Variants in AHNAK observed in about 807,000 individuals in gnomAD.
AHNAK encodes the protein AHNAK nucleoprotein.
A neutral mutation model predicts 37.8 loss-of-function variants in AHNAK; 23 were observed. The observed-to-expected ratio is 0.61, with a 90% confidence interval of 0.44 to 0.86. The LOEUF is 0.86. Among genes scored for constraint, AHNAK ranks in the 40% least tolerant of loss-of-function variants. The pLI, the probability that AHNAK is intolerant of heterozygous loss-of-function variation, is 0.00. For missense variants in AHNAK, 7,411 were observed against 7,319.4 expected (o/e 1.01, Z -0.46); for synonymous variants, 2,481 against 2,636.3 (o/e 0.94, Z 1.80).
At chr11:62,435,031 T>C (rs528863435) in intron 5 of AHNAK, among the ~76,000 whole-genome samples, 33 of 151,396 alleles carry the variant, frequency 2.2e-4, no homozygotes, top group Non-Finnish European at 4.3e-4. Flanking sequence ...CCTACACAAG[T>C]TTCAAGCACC....
rs568827858 is a variant in AHNAK at position 62,531,548 on chromosome 11, C to A, written c.2869G>T (p.Gly957Cys). The change falls in exon 5 of 5, where the codon GGT (glycine) becomes TGT (cysteine). Residue 957 changes from glycine (G) to cysteine (C), a missense_variant. Transcript: ENST00000378024. Reference sequence around the variant, plus strand: ...TCATATTCTCCCTTTACTTTAGGACCTTTCATATGCAAGTCCACATCAGGC... The same window carrying A: ...TCATATTCTCCCTTTACTTTAGGACATTTCATATGCAAGTCCACATCAGGC... ...SMPDVDLHMK[G>C]PKVKGEYDMT... is the part of the protein sequence containing the mutation. 22 of 1,614,200 alleles carry A rather than the reference C, an allele frequency of 1.4e-5. No individual in the cohort carries two copies. Among genetic ancestry groups the A allele is most frequent in the Non-Finnish European group, 1.8e-5 (21 of 1,180,036 alleles).
Position 62,533,902 on chromosome 11 carries a change from T to A in AHNAK, c.515A>T (p.Asp172Val), listed in dbSNP as rs1940860232. ...VDVTGREGAK[D>V]IDISSPEFKI... ...GAATTCAGGGCTACTGATGTCTATG[T>A]CCTTGGCTCCTTCCCGGCCAGTCAC... is the stretch of plus-strand genomic sequence containing the variant. The change falls in exon 5 of 5, where the codon GAC becomes GTC. Residue 172 changes from aspartate to valine, a missense_variant. Asp to Val is a radical substitution (Grantham distance 152, BLOSUM62 -3). Coordinates refer to ENST00000378024, the MANE Select transcript of AHNAK (RefSeq NM_001620.3). 6.2e-7 allele frequency: 1 copy of A among 1,614,104 alleles called. No individual in the cohort carries two copies. The highest frequency in any genetic ancestry group is 1.1e-5 in the South Asian group (1 of 91,088).
chr11:62,454,379 C>G (rs934660352), intron 5 of AHNAK, among the ~76,000 whole-genome samples: 3 of 147,874 alleles, frequency 2.0e-5, no homozygotes, highest in Non-Finnish European at 3.0e-5. Flanking sequence ...TGCCACTGAA[C>G]TCCAGCTTGG....
Position 62,518,025 on chromosome 11 carries a change from G to A in AHNAK, c.16392C>T (p.Ser5464=). The change falls in exon 5 of 5, where the codon AGC becomes AGT. Residue 5464 remains serine (S), a synonymous_variant. Coordinates refer to ENST00000378024, the MANE Select transcript of AHNAK (RefSeq NM_001620.3). The part of the protein sequence containing the change: ...FNLEGPKVKG[S]LGATGEIKGP... ...CTTTGATCTCACCAGTGGCCCCAAG[G>A]CTCCCTTTCACTTTTGGTCCTTCCA... is the stretch of plus-strand genomic sequence containing the variant. 6.2e-7 allele frequency: 1 copy of A among 1,614,160 alleles called. No individual in the cohort carries two copies. Among genetic ancestry groups the A allele is most frequent in the Non-Finnish European group, 8.5e-7 (1 of 1,180,044 alleles).
At position 62,517,996 on chromosome 11, in the gene AHNAK, G is replaced by A. The variant is rs769876690; in HGVS notation, c.16421C>T (p.Pro5474Leu). Reference protein sequence around the residue: ...SLGATGEIKGPTVGGGLPGIG... With the variant: ...SLGATGEIKGLTVGGGLPGIG... The stretch of plus-strand genomic sequence containing the variant: ...GCCTGGAAGACCTCCTCCGACAGTG[G>A]GGCCTTTGATCTCACCAGTGGCCCC... Residue 5474 changes from proline (P) to leucine (L), a missense_variant, in exon 5 of 5, where the codon CCC becomes CTC. Coordinates refer to ENST00000378024, the MANE Select transcript of AHNAK (RefSeq NM_001620.3). The A allele has an allele frequency of 1.9e-6, 3 of 1,614,000 alleles. No individual in the cohort carries two copies. The highest frequency in any genetic ancestry group is 1.7e-5 in the Admixed American group (1 of 59,986).
intron 5 of AHNAK, among the ~76,000 whole-genome samples, chr11:62,456,248 A>G (rs1381255406): frequency 6.6e-6 from 1 of 152,162 alleles, no homozygotes; most frequent in African/African-American, 2.4e-5. Flanking sequence ...AGCCACTCAG[A>G]CTGTATTATT....
chr11:62,447,351 G>A (rs1396287011), intron 5 of AHNAK, among the ~76,000 whole-genome samples: 1 of 152,050 alleles, frequency 6.6e-6, no homozygotes, highest in Non-Finnish European at 1.5e-5. Flanking sequence ...TGGGATCTAG[G>A]GGGAGATTAG....
At chr11:62,471,428 G>A (rs1324914844) in intron 5 of AHNAK, among the ~76,000 whole-genome samples, 2 of 152,264 alleles carry the variant, frequency 1.3e-5, no homozygotes, top group African/African-American at 4.8e-5. Flanking sequence ...GCCCACCTCA[G>A]CCTCCCAAAG....
chr11:62,457,860 C>T (rs1938695584), intron 5 of AHNAK, among the ~76,000 whole-genome samples: 1 of 151,902 alleles, frequency 6.6e-6, no homozygotes, highest in African/African-American at 2.4e-5. Context: ...CCAATATACC[C>T]ATGTGACAAT....
In AHNAK at chr11:62,531,904, A is replaced by T; in HGVS notation, c.2513T>A (p.Val838Asp). 1 of 1,612,642 alleles carries T rather than the reference A, an allele frequency of 6.2e-7. No homozygotes were observed. Among genetic ancestry groups the T allele is most frequent in the Non-Finnish European group, 8.5e-7 (1 of 1,179,746 alleles). The change falls in exon 5 of 5, where the codon GTC becomes GAC. Residue 838 changes from valine (V) to aspartate (D), a missense_variant. By Grantham distance (152) the Val-to-Asp change is radical. Coordinates refer to ENST00000378024, the MANE Select transcript of AHNAK (RefSeq NM_001620.3). ...KGPNVKGEYD[V>D]TMPKVESEIK... ...CTCACTTTCAACCTTTGGCATTGTGACATCATATTCTCCCTTTACGTTAGG... is the reference window on the plus strand; with the variant it reads ...CTCACTTTCAACCTTTGGCATTGTGTCATCATATTCTCCCTTTACGTTAGG...
rs773036589 is a variant in AHNAK at position 62,521,500 on chromosome 11, T to A, written c.12917A>T (p.Asp4306Val). ...PKVDIDAPDV[D>V]VHGPDWHLKM... ...CAGGTGCCAGTCTGGGCCATGAACA[T>A]CTACATCAGGGGCATCGATGTCCAC... is the stretch of plus-strand genomic sequence containing the variant. The change falls in exon 5 of 5, where the codon GAT (aspartate) becomes GTT (valine). Residue 4306 changes from aspartate (D) to valine (V), a missense_variant. Physicochemically the swap from Asp to Val is radical, Grantham distance 152. Coordinates refer to ENST00000378024, the MANE Select transcript of AHNAK (RefSeq NM_001620.3). The A allele has an allele frequency of 1.2e-6, 2 of 1,611,374 alleles. No individual in the cohort carries two copies. Among genetic ancestry groups the A allele is most frequent in the Non-Finnish European group, 8.5e-7 (1 of 1,179,386 alleles).
At position 62,519,523 on chromosome 11, in the gene AHNAK, A is replaced by T. The variant is rs1307239011; in HGVS notation, c.14894T>A (p.Ile4965Asn). The change falls in exon 5 of 5, where the codon ATC becomes AAC. Residue 4965 changes from isoleucine to asparagine, a missense_variant. By Grantham distance (149) the Ile-to-Asn change is moderately radical. Transcript: ENST00000378024. ...DVHMDSPDIN[I>N]EGPDVKIPKF... is the part of the protein sequence containing the mutation. ...GGGGATTTTAACATCTGGCCCTTCG[A>T]TGTTAATATCTGGGCTGTCCATGTG... 1.2e-6 allele frequency: 2 copies of T among 1,612,868 alleles called. No homozygotes were observed. The highest frequency in any genetic ancestry group is 2.2e-5 in the South Asian group (2 of 90,752).
Position 62,535,013 on chromosome 11 carries a change from T to G in AHNAK, c.332A>C (p.Glu111Ala). 6.2e-7 allele frequency: 1 copy of G among 1,609,932 alleles called. No homozygotes were observed. The highest frequency in any genetic ancestry group is 8.5e-7 in the Non-Finnish European group (1 of 1,176,996). ...TREVFSSCSS[E>A]VVLSGDDEEY... ...CGGCGAGGTACTCACCAGAACCACTTCAGAGCTGCAGGAGCTGAAGACTTC... is the reference window on the plus strand; with the variant it reads ...CGGCGAGGTACTCACCAGAACCACTGCAGAGCTGCAGGAGCTGAAGACTTC... Residue 111 changes from glutamate (E) to alanine (A), a missense_variant, in exon 4 of 5, where the codon GAA becomes GCA. Physicochemically the swap from Glu to Ala is moderately radical, Grantham distance 107. Transcript: ENST00000378024.
intron 5 of AHNAK, among the ~76,000 whole-genome samples, chr11:62,482,093 A>T (rs981766111): frequency 6.6e-6 from 1 of 151,982 alleles, no homozygotes; most frequent in Non-Finnish European, 1.5e-5. Flanking sequence ...CCCAGCTCAT[A>T]TCTCTCTTCC....
rs115361437 is a variant in AHNAK, at chr11:62,457,180, C to T, written c.443-23289G>A. Among the ~76,000 whole-genome samples the T allele has an allele frequency of 3.8e-3, 578 of 151,918 alleles. 1 individual carries two copies. The highest frequency in any genetic ancestry group is 0.012 in the African/African-American group (488 of 41,420). On this transcript the variant is annotated intron_variant, in intron 5 of 5. Coordinates refer to the AHNAK transcript ENST00000257247. ...TCTACTAAAAATACAAAAAGTATGCCGGGCACGGTGTAATCCCGGCACTTT... is the reference window on the plus strand; with the variant it reads ...TCTACTAAAAATACAAAAAGTATGCTGGGCACGGTGTAATCCCGGCACTTT...
intron 4 of AHNAK, among the ~76,000 whole-genome samples, chr11:62,494,442 A>G (rs1400332091): frequency 6.6e-6 from 1 of 152,034 alleles, no homozygotes; most frequent in Non-Finnish European, 1.5e-5. Context: ...CCACATGCCA[A>G]ACGATTTTTA....
Position 62,516,607 on chromosome 11 carries a change from G to C in AHNAK, c.*137C>G. ...ACAGGCGGTCGGTTTTTCAGCGCTT[G>C]CCACCGGGCCAGGCAAGGTCTTTGC... On this transcript the variant is annotated 3_prime_UTR_variant, in exon 5 of 5. Coordinates refer to ENST00000378024, the MANE Select transcript of AHNAK (RefSeq NM_001620.3). 6.7e-7 allele frequency: 1 copy of C among 1,482,484 alleles called. No individual in the cohort carries two copies. Among genetic ancestry groups the C allele is most frequent in the African/African-American group, 1.4e-5 (1 of 71,356 alleles). 91.8% of individuals were successfully genotyped at this position (1,482,484 alleles called of 1,614,324 possible).
chr11:62,445,863 A>G (rs1938414259), intron 5 of AHNAK, among the ~76,000 whole-genome samples: 1 of 151,992 alleles, frequency 6.6e-6, no homozygotes. Context: ...CTAAAAATAC[A>G]AAGTTAGCTG....
chr11:62,493,573 A>G (rs1565213292), intron 4 of AHNAK, among the ~76,000 whole-genome samples: 1 of 151,076 alleles, frequency 6.6e-6, no homozygotes, highest in African/African-American at 2.5e-5. Flanking sequence ...ACCTCAGGTT[A>G]TCCACTCACC....
Sources: gnomAD v4.1 joint callset for allele counts (sites outside exome capture counted in the v4.1 genomes callset) on GRCh38, gnomAD v4.1.1 for gene constraint, MANE v1.5 for transcripts, NCBI Gene and HGNC (gene_info 2026-07-23, HGNC 2026-07-21) for gene names.